Variants in CNTNAP2 observed in about 807,000 individuals in gnomAD.
CNTNAP2 encodes contactin-associated protein-like 2.
A neutral mutation model predicts 155.2 loss-of-function variants in CNTNAP2; 98 were observed. The ratio of observed to expected loss-of-function variants is 0.63; its 90% CI spans 0.54 to 0.75. The LOEUF (loss-of-function observed/expected upper bound fraction) is 0.75, where lower values mean the gene tolerates loss of function less well. Ranked by LOEUF, CNTNAP2 falls within the 30% of genes least tolerant of loss-of-function variation. CNTNAP2 has a pLI of 0.00. For synonymous variants in CNTNAP2, 651 were observed against 631.2 expected (o/e 1.03, Z -0.47); for missense variants, 1,727 against 1,688.1 (o/e 1.02, Z -0.40).
At chr7:146,132,104 A>G (rs1797723083) in intron 1 of CNTNAP2, among the ~76,000 whole-genome samples, 1 of 152,198 alleles carries the variant, frequency 6.6e-6, no homozygotes, top group Non-Finnish European at 1.5e-5. Flanking sequence ...CAGAATCTGT[A>G]ATAAACTCAT....
At chr7:147,737,417 G>A (rs922049167) in intron 13 of CNTNAP2, among the ~76,000 whole-genome samples, 1 of 152,116 alleles carries the variant, frequency 6.6e-6, no homozygotes, top group African/African-American at 2.4e-5. Flanking sequence ...GCCGGGTGAG[G>A]TGTCAGTCTG....
intron 1 of CNTNAP2, among the ~76,000 whole-genome samples, chr7:146,653,023 C>T (rs1036490401): frequency 6.6e-6 from 1 of 152,092 alleles, no homozygotes; most frequent in Non-Finnish European, 1.5e-5. Flanking sequence ...TACAATGTAA[C>T]TTGCTTTATT....
chr7:146,906,637 C>A (rs1239129919), intron 3 of CNTNAP2, among the ~76,000 whole-genome samples: 2 of 151,922 alleles, frequency 1.3e-5, no homozygotes, highest in South Asian at 2.1e-4. Context: ...ACATCCACAC[C>A]GAAAACCCAT....
chr7:147,324,283 T>A (rs947015671), intron 9 of CNTNAP2, among the ~76,000 whole-genome samples: 3 of 152,184 alleles, frequency 2.0e-5, no homozygotes, highest in African/African-American at 4.8e-5. Context: ...TCATTATACA[T>A]CTTTTCAATG....
intron 17 of CNTNAP2, among the ~76,000 whole-genome samples, chr7:148,159,941 C>T (rs563998099): frequency 6.6e-6 from 1 of 152,002 alleles, no homozygotes. Flanking sequence ...TGTCTCTGCT[C>T]TTAAAACTAC....
chr7:147,317,567 A>C (rs1367544408), intron 9 of CNTNAP2, among the ~76,000 whole-genome samples: 1 of 152,210 alleles, frequency 6.6e-6, no homozygotes, highest in East Asian at 1.9e-4. Context: ...TCTTCAGCCT[A>C]AGATGACTAC....
chr7:147,864,840 G>A (rs1004533784), intron 13 of CNTNAP2, among the ~76,000 whole-genome samples: 3 of 152,154 alleles, frequency 2.0e-5, no homozygotes, highest in African/African-American at 7.2e-5. Flanking sequence ...AGACGATAGG[G>A]TTTTCTAAAT....
intron 1 of CNTNAP2, among the ~76,000 whole-genome samples, chr7:146,389,696 CTTTTT>C (rs1408040421): frequency 7.1e-6 from 1 of 140,824 alleles, no homozygotes; most frequent in Non-Finnish European, 1.5e-5. Context: ...TTTTTCTTTT[CTTTTT>C]TCTTTTTTTT....
intron 12 of CNTNAP2, among the ~76,000 whole-genome samples, chr7:147,626,104 C>A (rs1794967693): frequency 6.6e-6 from 1 of 151,998 alleles, no homozygotes; most frequent in African/African-American, 2.4e-5. Context: ...AGTCACAGTG[C>A]AAAGGAAACT....
chr7:146,498,610 A>G (rs552423943), intron 1 of CNTNAP2, among the ~76,000 whole-genome samples: 8 of 152,026 alleles, frequency 5.3e-5, no homozygotes, highest in Non-Finnish European at 1.2e-4. Flanking sequence ...TTTTAGATTG[A>G]CTTTTTCTTT....
intron 3 of CNTNAP2, among the ~76,000 whole-genome samples, chr7:146,966,400 G>T (rs1183153479): frequency 6.6e-6 from 1 of 152,168 alleles, no homozygotes; most frequent in Admixed American, 6.5e-5. Context: ...TCCTGCCAGG[G>T]AGCATTCACT....
chr7:146,449,886 C>G (rs1277000544), intron 1 of CNTNAP2, among the ~76,000 whole-genome samples: 1 of 152,114 alleles, frequency 6.6e-6, no homozygotes, highest in Non-Finnish European at 1.5e-5. Flanking sequence ...TCCTTGTATT[C>G]AGGTGAATGA....
chr7:147,962,989 T>C (rs542636081), intron 14 of CNTNAP2, among the ~76,000 whole-genome samples: 6 of 152,270 alleles, frequency 3.9e-5, no homozygotes, highest in Non-Finnish European at 8.8e-5. Flanking sequence ...CAATAAGATA[T>C]ACCATGGTTA....
chr7:146,233,105 T>C (rs1330580293), intron 1 of CNTNAP2, among the ~76,000 whole-genome samples: 2 of 152,032 alleles, frequency 1.3e-5, no homozygotes, highest in African/African-American at 2.4e-5. Flanking sequence ...TCCTATCAAA[T>C]GAGTAATAAA....
intron 11 of CNTNAP2, among the ~76,000 whole-genome samples, chr7:147,543,645 AC>A (rs925646519): frequency 4.6e-5 from 7 of 152,074 alleles, no homozygotes; most frequent in African/African-American, 1.7e-4. Flanking sequence ...AAGCACTTCT[AC>A]CCCCTCAAAT....
intron 18 of CNTNAP2, among the ~76,000 whole-genome samples, chr7:148,202,782 T>C (rs898483347): frequency 1.3e-5 from 2 of 152,232 alleles, no homozygotes; most frequent in Admixed American, 1.3e-4. Flanking sequence ...ACACATCGTG[T>C]GTGCATGAAG....
At chr7:147,603,391 A>G (rs528686081) in intron 12 of CNTNAP2, among the ~76,000 whole-genome samples, 4 of 152,126 alleles carry the variant, frequency 2.6e-5, no homozygotes, top group Admixed American at 2.6e-4. Flanking sequence ...TACAAAATCA[A>G]TGTACAAAAA....
chr7:147,602,720 A>T (rs1304631698), intron 12 of CNTNAP2, among the ~76,000 whole-genome samples: 1 of 149,774 alleles, frequency 6.7e-6, no homozygotes, highest in Non-Finnish European at 1.5e-5. Flanking sequence ...ATTCCCACCT[A>T]TGAGTGAGAA....
chr7:147,271,811 A>G (rs1361138558), intron 8 of CNTNAP2, among the ~76,000 whole-genome samples: 1 of 152,194 alleles, frequency 6.6e-6, no homozygotes, highest in African/African-American at 2.4e-5. Flanking sequence ...TGGGAGCTAC[A>G]GTTCAAAATG....
Sources: allele counts gnomAD v4.1 joint callset (sites outside exome capture counted in the v4.1 genomes callset), GRCh38; gene constraint gnomAD v4.1.1; transcripts MANE v1.5; gene names NCBI Gene and HGNC (gene_info 2026-07-23, HGNC 2026-07-21).